The following AVL9 variants were observed in gnomAD, a reference collection of about 807,000 sequenced individuals.
AVL9 encodes the protein AVL9 cell migration associated.
In AVL9, 49 loss-of-function variants were observed where a neutral mutation model predicts 79.2. The ratio of observed to expected loss-of-function variants is 0.62; its 90% CI spans 0.49 to 0.79. The LOEUF is 0.79. AVL9 is among the 30% of genes least tolerant of loss of function. The probability of loss-of-function intolerance (pLI) is 0.00; values close to 1 mark genes in which losing one functional copy is unlikely to be tolerated. For synonymous variants in AVL9, 299 were observed against 280.6 expected, an observed-to-expected ratio of 1.07 and a Z score of -0.65; for missense variants, 682 against 776.8, an observed-to-expected ratio of 0.88 and a Z score of 1.45.
Position 32,586,410 on chromosome 7 carries a change from C to G in AVL9, c.*2503C>G, listed in dbSNP as rs1791781083. 1 of 151,876 alleles carries G rather than the reference C, an allele frequency of 6.6e-6. No individual in the cohort carries two copies. The highest frequency in any genetic ancestry group is 2.4e-5 in the African/African-American group (1 of 41,288). 9.4% of individuals were successfully genotyped at this position (151,876 alleles called of 1,614,324 possible). On this transcript the variant is annotated 3_prime_UTR_variant, in exon 16 of 16. Transcript: ENST00000318709. ...GGCTGTTGTATTGTTGGCAGGGGCCCCAAGGCAGCTCGCACAATCAAAGGC... is the reference window on the plus strand; with the variant it reads ...GGCTGTTGTATTGTTGGCAGGGGCCGCAAGGCAGCTCGCACAATCAAAGGC...
chr7:32,499,534 G>T (rs1787022383), intron 1 of AVL9, among the ~76,000 whole-genome samples: 1 of 151,708 alleles, frequency 6.6e-6, no homozygotes, highest in Non-Finnish European at 1.5e-5. Flanking sequence ...TAAGTAAACT[G>T]GATTTACCAA....
At chr7:32,521,404 G>A (rs572219754) in intron 1 of AVL9, among the ~76,000 whole-genome samples, 33 of 152,202 alleles carry the variant, frequency 2.2e-4, no homozygotes, top group Non-Finnish European at 4.6e-4. Context: ...TGAGGAACTT[G>A]TTGGGAACTG....
intron 3 of AVL9, 54 bp downstream of exon 3, chr7:32,544,833 C>T (rs2128135037): frequency 1.6e-6 from 2 of 1,263,746 alleles, no homozygotes; most frequent in East Asian, 4.7e-5. Context: ...AGATGTTGGA[C>T]ACTTAAACAC....
intron 11 of AVL9, among the ~76,000 whole-genome samples, chr7:32,570,548 A>G (rs1054880930): frequency 6.6e-6 from 1 of 152,222 alleles, no homozygotes; most frequent in African/African-American, 2.4e-5. Flanking sequence ...CCAAGACGAA[A>G]GCTAGGAATA....
At chr7:32,513,898 A>G (rs1425493153) in intron 1 of AVL9, among the ~76,000 whole-genome samples, 1 of 152,230 alleles carries the variant, frequency 6.6e-6, no homozygotes, top group African/African-American at 2.4e-5. Flanking sequence ...GTCATAAATA[A>G]GGAAAGGTGT....
intron 1 of AVL9, among the ~76,000 whole-genome samples, chr7:32,520,101 C>T (rs1684065172): frequency 6.6e-6 from 1 of 152,154 alleles, no homozygotes; most frequent in Non-Finnish European, 1.5e-5. Context: ...GGTGGGGACA[C>T]AGTGCGAAAC....
chr7:32,500,687 C>G (rs1342169195), intron 1 of AVL9, among the ~76,000 whole-genome samples: 1 of 152,100 alleles, frequency 6.6e-6, no homozygotes, highest in Non-Finnish European at 1.5e-5. Context: ...TTTGCCATGC[C>G]TATATCCTGA....
At chr7:32,499,134 G>T (rs1363363227) in intron 1 of AVL9, among the ~76,000 whole-genome samples, 4 of 151,966 alleles carry the variant, frequency 2.6e-5, no homozygotes, top group African/African-American at 9.7e-5. Context: ...CTGCACTCCA[G>T]CCTGGGCGAC....
intron 1 of AVL9, among the ~76,000 whole-genome samples, chr7:32,531,374 A>G (rs1788638947): frequency 1.7e-3 from 1 of 576 alleles, no homozygotes; most frequent in South Asian, 0.045. Context: ...GTGTATATGC[A>G]GTTACATGTT....
In AVL9 at chr7:32,570,159, G is replaced by A. The variant is rs778615833; in HGVS notation, c.1350+5G>A. The A allele has an allele frequency of 5.6e-6, 9 of 1,613,994 alleles. No individual in the cohort carries two copies. In the South Asian group the frequency reaches 7.7e-5, roughly 14 times the overall value. ...CTCAGTGATGCCATTGTGGAAGTAC[G>A]TTTATGTGTGAGTGTGTGTATTTGG... On this transcript the variant is annotated splice_donor_5th_base_variant and intron_variant, in intron 11 of 15. Transcript: ENST00000318709.
intron 1 of AVL9, chr7:32,533,966 T>C (rs1007025335): frequency 1.3e-5 from 2 of 152,240 alleles, no homozygotes; most frequent in Non-Finnish European, 2.9e-5. Context: ...TATGTTACTT[T>C]GTTTTTGTAG....
Position 32,580,779 on chromosome 7 carries a change from CTTT to C in AVL9, c.1743-21_1743-19del. On this transcript the variant is annotated intron_variant, in intron 14 of 15. Transcript: ENST00000318709. ...TTTTTTAAAATTGTACCTAACACTTCTTTTATCTTATCTTTTACCCAGTTCTGT... is the reference window on the plus strand; with the variant it reads ...TTTTTTAAAATTGTACCTAACACTTCTATCTTATCTTTTACCCAGTTCTGT... 4 of 1,589,568 alleles carry C rather than the reference CTTT, an allele frequency of 2.5e-6. No individual in the cohort carries two copies. Among genetic ancestry groups the C allele is most frequent in the Non-Finnish European group, 3.4e-6 (4 of 1,159,752 alleles).
At chr7:32,506,151 A>T (rs561834138) in intron 1 of AVL9, among the ~76,000 whole-genome samples, 35 of 152,274 alleles carry the variant, frequency 2.3e-4, no homozygotes, top group South Asian at 1.9e-3. Context: ...TAACAAAAAA[A>T]TTTTTTTAAT....
intron 8 of AVL9, among the ~76,000 whole-genome samples, chr7:32,554,829 A>T (rs1789988151): frequency 6.6e-6 from 1 of 152,144 alleles, no homozygotes; most frequent in Admixed American, 6.6e-5. Flanking sequence ...GAAAGGACAT[A>T]TTGGCTCACT....
intron 1 of AVL9, among the ~76,000 whole-genome samples, chr7:32,521,318 T>C (rs1479662808): frequency 1.3e-5 from 2 of 152,180 alleles, no homozygotes; most frequent in African/African-American, 4.8e-5. Context: ...CCTAGAGACT[T>C]GTTGAATGGC....
intron 11 of AVL9, among the ~76,000 whole-genome samples, chr7:32,572,578 A>T (rs376181779): frequency 2.0e-5 from 3 of 150,188 alleles, no homozygotes; most frequent in African/African-American, 7.5e-5. Flanking sequence ...CGAGGTGGGC[A>T]GGTCACAAGG....
At chr7:32,523,150 C>CAAA (rs59565422) in intron 1 of AVL9, among the ~76,000 whole-genome samples, 34 of 81,174 alleles carry the variant, frequency 4.2e-4, no homozygotes, top group East Asian at 1.1e-3. Flanking sequence ...GGTAATTAAC[C>CAAA]AAAAAAAAAA....
At chr7:32,560,328 ATTAT>A (rs1347979625) in intron 10 of AVL9, among the ~76,000 whole-genome samples, 3 of 151,918 alleles carry the variant, frequency 2.0e-5, no homozygotes, top group Non-Finnish European at 4.4e-5. Flanking sequence ...AGTACAATTA[ATTAT>A]TAAATAATTT....
At chr7:32,527,293 C>CG (rs1190093875) in intron 1 of AVL9, among the ~76,000 whole-genome samples, 8 of 152,056 alleles carry the variant, frequency 5.3e-5, no homozygotes, top group South Asian at 4.1e-4. Context: ...TAATGGTGCC[C>CG]AAAAGAGTTC....
Sources: allele counts gnomAD v4.1 joint callset (sites outside exome capture counted in the v4.1 genomes callset), GRCh38; gene constraint gnomAD v4.1.1; transcripts MANE v1.5; gene names NCBI Gene and HGNC (gene_info 2026-07-23, HGNC 2026-07-21).